BASP1: variants seen among roughly 807,000 people sequenced by gnomAD.
BASP1 encodes brain abundant membrane attached signal protein 1.
BASP1 carries 1 observed loss-of-function variant against 2.2 expected under a neutral mutation model. That is an observed-to-expected ratio of 0.46 (90% confidence interval 0.16 to 2.17). The LOEUF is 2.17. BASP1 is among the 30% of genes most tolerant of loss of function. The pLI is 0.27. For synonymous variants in BASP1, 187 were observed against 154.2 expected, an observed-to-expected ratio of 1.21 and a Z score of -1.58; for missense variants, 352 against 327.2, an observed-to-expected ratio of 1.08 and a Z score of -0.58.
Position 17,269,962 on chromosome 5 carries a change from G to C in BASP1, c.-9-5246G>C, listed in dbSNP as rs1483412045. On this transcript the variant is annotated intron_variant, in intron 1 of 1. Transcript: ENST00000322611. ...TCCTTGGACCAAGTGATGAAGAGGTGGTGAGGGGACAGCAAAAAATGCAAT... is the reference window on the plus strand; with the variant it reads ...TCCTTGGACCAAGTGATGAAGAGGTCGTGAGGGGACAGCAAAAAATGCAAT... Among the ~76,000 whole-genome samples, 3 of 152,116 alleles carry C rather than the reference G, an allele frequency of 2.0e-5. 1 individual carries two copies. Among genetic ancestry groups the C allele is most frequent in the African/African-American group, 7.2e-5 (3 of 41,428 alleles).
In BASP1 at chr5:17,275,991, T is replaced by C. The variant is rs182835429; in HGVS notation, c.*91T>C. On this transcript the variant is annotated 3_prime_UTR_variant, in exon 2 of 2. Transcript: ENST00000322611. The surrounding 1 kb of genome is among the most constrained non-coding windows in gnomAD (Gnocchi z 5.3). ...TCTCTATCTCTCTCTCTATCTCCTCTCTCTCTCTCCTCTCCTATCTCTCCT... is the reference window on the plus strand; with the variant it reads ...TCTCTATCTCTCTCTCTATCTCCTCCCTCTCTCTCCTCTCCTATCTCTCCT... 58 of 1,141,726 alleles carry C rather than the reference T, an allele frequency of 5.1e-5. No individual in the cohort carries two copies. In the African/African-American group the frequency reaches 8.8e-4, roughly 17 times the overall value. The allele number at this position is 1,141,726 out of a possible 1,614,324, so 70.7% of individuals were successfully genotyped here.
At chr5:17,262,626 C>T (rs1343090654) in intron 1 of BASP1, among the ~76,000 whole-genome samples, 1 of 152,224 alleles carries the variant, frequency 6.6e-6, no homozygotes, top group Non-Finnish European at 1.5e-5. Context: ...CTGTCTCAGA[C>T]TCTACCTTCT....
At chr5:17,240,283 C>G (rs1220292093) in intron 1 of BASP1, among the ~76,000 whole-genome samples, 2 of 152,098 alleles carry the variant, frequency 1.3e-5, no homozygotes, top group African/African-American at 4.8e-5. Flanking sequence ...GCCTGTAATC[C>G]CAGCACTTTG....
intron 1 of BASP1, among the ~76,000 whole-genome samples, chr5:17,235,931 A>T (rs1241102501): frequency 6.6e-6 from 1 of 152,164 alleles, no homozygotes; most frequent in Non-Finnish European, 1.5e-5. Context: ...ATTGCTCTTT[A>T]TGAATCACTG....
chr5:17,253,215 G>A (rs1054329251), intron 1 of BASP1, among the ~76,000 whole-genome samples: 1 of 151,832 alleles, frequency 6.6e-6, no homozygotes, highest in African/African-American at 2.4e-5. Context: ...TTGTTTATTT[G>A]TATTTACTTT....
chr5:17,250,813 C>G (rs1740088251), intron 1 of BASP1, among the ~76,000 whole-genome samples: 1 of 152,072 alleles, frequency 6.6e-6, no homozygotes, highest in African/African-American at 2.4e-5. Context: ...ACTGCGTTAG[C>G]CAGGATGGTC....
intron 1 of BASP1, among the ~76,000 whole-genome samples, chr5:17,220,873 C>T (rs373432588): frequency 5.3e-5 from 8 of 152,050 alleles, no homozygotes; most frequent in South Asian, 2.1e-4. Context: ...CATGGTCAAG[C>T]GGAGTATGAC....
chr5:17,234,453 A>C (rs1214987431), intron 1 of BASP1, among the ~76,000 whole-genome samples: 1 of 152,224 alleles, frequency 6.6e-6, no homozygotes, highest in Non-Finnish European at 1.5e-5. Flanking sequence ...TAAATGAAAC[A>C]TCAGTGGCAT....
At position 17,243,942 on chromosome 5, in the gene BASP1, G is replaced by T. The variant is rs187507870; in HGVS notation, c.-10+26132G>T. On this transcript the variant is annotated intron_variant, in intron 1 of 1. Transcript: ENST00000322611. ...GTGTGTGACTTTTCAAGTGCAATAA[G>T]TCACGGGTACTATGTGAAATTGGAT... Among the ~76,000 whole-genome samples the T allele has an allele frequency of 3.4e-4, 52 of 152,306 alleles. No individual in the cohort carries two copies. In the East Asian group the frequency reaches 9.6e-3, roughly 28 times the overall value.
At chr5:17,257,978 G>T (rs1740247474) in intron 1 of BASP1, among the ~76,000 whole-genome samples, 1 of 152,152 alleles carries the variant, frequency 6.6e-6, no homozygotes. Context: ...ATCATCAGGG[G>T]TTCTTGAAAT....
At chr5:17,265,006 T>C (rs1034381153) in intron 1 of BASP1, among the ~76,000 whole-genome samples, 2 of 152,210 alleles carry the variant, frequency 1.3e-5, no homozygotes, top group African/African-American at 2.4e-5. Context: ...TATGGAGAAA[T>C]TTGATATCAT....
chr5:17,234,295 G>A (rs1739695102), intron 1 of BASP1, among the ~76,000 whole-genome samples: 2 of 152,158 alleles, frequency 1.3e-5, no homozygotes, highest in African/African-American at 2.4e-5. Flanking sequence ...TACTTCAACT[G>A]TATGAAGATT....
At chr5:17,254,908 A>T (rs902336072) in intron 1 of BASP1, among the ~76,000 whole-genome samples, 2 of 152,198 alleles carry the variant, frequency 1.3e-5, no homozygotes, top group African/African-American at 4.8e-5. Context: ...AGTTGACACC[A>T]AAGGAAGTAA....
At chr5:17,273,598 G>A (rs369740351) in intron 1 of BASP1, among the ~76,000 whole-genome samples, 2 of 152,066 alleles carry the variant, frequency 1.3e-5, no homozygotes, top group African/African-American at 2.4e-5. Context: ...CCAAAAACTC[G>A]ACTTTTAATA....
chr5:17,270,456 T>C (rs1367585516), intron 1 of BASP1, among the ~76,000 whole-genome samples: 1 of 152,232 alleles, frequency 6.6e-6, no homozygotes, highest in East Asian at 1.9e-4. Flanking sequence ...GAATCTTAAG[T>C]AGTAAAATAT....
intron 1 of BASP1, among the ~76,000 whole-genome samples, chr5:17,257,915 G>C (rs540409528): frequency 6.6e-6 from 1 of 152,302 alleles, no homozygotes; most frequent in South Asian, 2.1e-4. Context: ...TGTTTCCCCT[G>C]CCAGTGACAG....
At chr5:17,266,320 T>A (rs567784820) in intron 1 of BASP1, among the ~76,000 whole-genome samples, 53 of 152,296 alleles carry the variant, frequency 3.5e-4, no homozygotes, top group Middle Eastern at 3.4e-3. Context: ...GAAAAGAGAA[T>A]TTATTCAAAA....
At chr5:17,259,562 T>C (rs1740275908) in intron 1 of BASP1, among the ~76,000 whole-genome samples, 1 of 152,148 alleles carries the variant, frequency 6.6e-6, no homozygotes, top group Non-Finnish European at 1.5e-5. Context: ...TGAAAATCAT[T>C]AAAATATGAA....
chr5:17,255,962 C>A (rs1205065914), intron 1 of BASP1, among the ~76,000 whole-genome samples: 1 of 152,176 alleles, frequency 6.6e-6, no homozygotes, highest in African/African-American at 2.4e-5. Flanking sequence ...GAGGCATGGG[C>A]TGAGTGTGTA....
Sources: gnomAD v4.1 joint callset for allele counts (sites outside exome capture counted in the v4.1 genomes callset) on GRCh38, gnomAD v4.1.1 for gene constraint, Gnocchi (gnomAD v3.1) non-coding constraint, MANE v1.5 for transcripts, NCBI Gene and HGNC (gene_info 2026-07-23, HGNC 2026-07-21) for gene names.